The following ROR1 variants were observed in gnomAD, a reference collection of about 807,000 sequenced individuals.
The protein encoded by ROR1 is ROR family WNT receptor 1, also known as inactive tyrosine-protein kinase transmembrane receptor ROR1.
A neutral mutation model predicts 78.8 loss-of-function variants in ROR1; 19 were observed. That is an observed-to-expected ratio of 0.24 (90% CI 0.17 to 0.35). ROR1 has a LOEUF of 0.35. ROR1 is among the 10% of genes least tolerant of loss of function. The probability of loss-of-function intolerance (pLI) is 1.00; values close to 1 mark genes in which losing one functional copy is unlikely to be tolerated. For synonymous variants in ROR1, 386 were observed against 433.6 expected, an observed-to-expected ratio of 0.89 and a Z score of 1.36; for missense variants, 917 against 1,177.8, an observed-to-expected ratio of 0.78 and a Z score of 3.24.
At chr1:63,812,891 C>T (rs1253899022) in intron 1 of ROR1, among the ~76,000 whole-genome samples, 1 of 152,106 alleles carries the variant, frequency 6.6e-6, no homozygotes, top group Non-Finnish European at 1.5e-5. Flanking sequence ...TTGCTGAGGT[C>T]ACAGAGCTGG....
At chr1:63,887,287 A>G (rs1029801549) in intron 1 of ROR1, among the ~76,000 whole-genome samples, 1 of 152,124 alleles carries the variant, frequency 6.6e-6, no homozygotes, top group African/African-American at 2.4e-5. Context: ...CTTTCTTCCC[A>G]TAACAATGTC....
intron 1 of ROR1, among the ~76,000 whole-genome samples, chr1:64,002,110 G>T (rs961004587): frequency 2.0e-5 from 3 of 150,690 alleles, no homozygotes; most frequent in Non-Finnish European, 4.4e-5. Flanking sequence ...GGTTTTAGAA[G>T]GTGTTAGGGA....
At chr1:64,084,470 T>C (rs1018634555) in intron 4 of ROR1, among the ~76,000 whole-genome samples, 7 of 152,246 alleles carry the variant, frequency 4.6e-5, no homozygotes, top group African/African-American at 2.4e-5. Context: ...TTCATTAATA[T>C]AATATATTCA....
chr1:63,916,050 T>G (rs1239306528), intron 1 of ROR1, among the ~76,000 whole-genome samples: 2 of 152,176 alleles, frequency 1.3e-5, no homozygotes, highest in Non-Finnish European at 2.9e-5. Context: ...CTATACATAC[T>G]TGACCTCCAG....
At chr1:63,862,903 A>C (rs547148833) in intron 1 of ROR1, among the ~76,000 whole-genome samples, 39 of 152,378 alleles carry the variant, frequency 2.6e-4, no homozygotes, top group Admixed American at 2.0e-3. Flanking sequence ...GTATAAGCAT[A>C]GTGACATACA....
intron 2 of ROR1, among the ~76,000 whole-genome samples, chr1:64,036,963 C>G (rs1646707471): frequency 6.6e-6 from 1 of 152,194 alleles, no homozygotes; most frequent in Non-Finnish European, 1.5e-5. Flanking sequence ...GGGGCTGTTT[C>G]ACACACAAGT....
chr1:63,874,826 A>G (rs763616304), intron 1 of ROR1, among the ~76,000 whole-genome samples: 5 of 151,788 alleles, frequency 3.3e-5, no homozygotes, highest in African/African-American at 7.3e-5. Flanking sequence ...TTGCTTCCAC[A>G]TTTTCTCTCC....
intron 1 of ROR1, among the ~76,000 whole-genome samples, chr1:63,786,571 CTT>C (rs10530236): frequency 2.5e-4 from 28 of 113,330 alleles, no homozygotes; most frequent in Admixed American, 1.2e-3. Context: ...CGCGCCTGGC[CTT>C]TTTTTTTTTT....
chr1:64,142,983 G>T, intron 7 of ROR1: 1 of 1,101,460 alleles, frequency 9.1e-7, no homozygotes, highest in Non-Finnish European at 1.1e-6. Context: ...GCGTCCAAGT[G>T]GACCTTTTCA....
intron 7 of ROR1, among the ~76,000 whole-genome samples, chr1:64,151,180 G>A (rs1649610758): frequency 6.6e-6 from 1 of 152,190 alleles, no homozygotes; most frequent in Admixed American, 6.5e-5. Flanking sequence ...GAGACCTGGG[G>A]CTAACATGAA....
At chr1:64,158,924 AT>A (rs879439368) in intron 7 of ROR1, 56 bp from the exon 8 acceptor site, 1 of 1,295,264 alleles carries the variant, frequency 7.7e-7, no homozygotes, top group Non-Finnish European at 1.1e-6. Flanking sequence ...GCAATGTAAT[AT>A]TATGCATGTT....
chr1:64,120,150 C>T (rs1648475788), intron 4 of ROR1, among the ~76,000 whole-genome samples: 2 of 152,152 alleles, frequency 1.3e-5, no homozygotes, highest in Admixed American at 1.3e-4. Flanking sequence ...AAGGAACCTA[C>T]TGGCTGATGA....
intron 4 of ROR1, among the ~76,000 whole-genome samples, chr1:64,101,102 A>C (rs1647519817): frequency 6.6e-6 from 1 of 152,202 alleles, no homozygotes; most frequent in Non-Finnish European, 1.5e-5. Flanking sequence ...ACATGGTTTT[A>C]TGGGTAGAAA....
At position 64,049,887 on chromosome 1, in the gene ROR1, C is replaced by T. The variant is rs373725436; in HGVS notation, c.360C>T (p.Asn120=). The change falls in exon 3 of 9, where the codon AAC becomes AAT. Residue 120 remains asparagine, a synonymous_variant. Transcript: ENST00000371079. ...TIYGSRLRIR[N]LDTTDTGYFQ... The stretch of plus-strand genomic sequence containing the variant: ...ATGGCTCTCGGCTGCGGATTAGAAA[C>T]CTCGACACCACAGACACAGGCTACT... 3 of 1,614,074 alleles carry T rather than the reference C, an allele frequency of 1.9e-6. No homozygotes were observed. The highest frequency in any genetic ancestry group is 2.5e-6 in the Non-Finnish European group (3 of 1,180,038).
At chr1:63,889,786 A>T (rs1208864167) in intron 1 of ROR1, among the ~76,000 whole-genome samples, 1 of 152,226 alleles carries the variant, frequency 6.6e-6, no homozygotes, top group Non-Finnish European at 1.5e-5. Context: ...GTAGTGGAGT[A>T]TACCAGTAGT....
intron 4 of ROR1, chr1:64,112,211 C>A (rs915391713): frequency 6.6e-5 from 10 of 152,156 alleles, no homozygotes; most frequent in Admixed American, 6.5e-4. Context: ...GAGAGCTGAT[C>A]ATATATCAAT....
At chr1:64,006,332 G>T (rs1415466676) in intron 1 of ROR1, among the ~76,000 whole-genome samples, 3 of 152,070 alleles carry the variant, frequency 2.0e-5, no homozygotes, top group East Asian at 3.9e-4. Context: ...CTGGGTGTCG[G>T]GGTGTTTGAT....
rs769265950 is a variant in ROR1, at chr1:64,158,942, A to G, written c.1175-39A>G. On this transcript the variant is annotated intron_variant, in intron 7 of 8. Coordinates refer to ENST00000371079, the MANE Select transcript of ROR1 (RefSeq NM_005012.4). ...ATGTAATATTATGCATGTTACTTTA[A>G]AGAGTATAACTTTTGCTCTTTTTCA... The G allele has an allele frequency of 1.4e-5, 20 of 1,462,492 alleles. No individual in the cohort carries two copies. In the Admixed American group the frequency reaches 3.4e-4, roughly 25 times the overall value. 90.6% of individuals were successfully genotyped at this position (1,462,492 alleles called of 1,614,324 possible).
At chr1:64,074,803 A>G (rs1188900615) in intron 4 of ROR1, among the ~76,000 whole-genome samples, 1 of 152,192 alleles carries the variant, frequency 6.6e-6, no homozygotes, top group African/African-American at 2.4e-5. Flanking sequence ...CCACTTAATA[A>G]CTGAGCAACA....
Sources: allele counts gnomAD v4.1 joint callset (sites outside exome capture counted in the v4.1 genomes callset), GRCh38; gene constraint gnomAD v4.1.1; transcripts MANE v1.5; gene names NCBI Gene and HGNC (gene_info 2026-07-23, HGNC 2026-07-21).